Variants in ANO10 observed in about 807,000 individuals in gnomAD.
ANO10 encodes anoctamin-10.
A neutral mutation model predicts 74.7 loss-of-function variants in ANO10; 77 were observed. The observed-to-expected ratio is 1.03, with a 90% CI of 0.86 to 1.25. The LOEUF is 1.25. ANO10 is among the 50% of genes most tolerant of loss of function. The pLI is 0.00. For synonymous variants in ANO10, 279 were observed against 284.9 expected (o/e 0.98, Z 0.21); for missense variants, 721 against 778.1 (o/e 0.93, Z 0.87).
At chr3:43,618,450 T>C (rs1284611669) in intron 1 of ANO10, among the ~76,000 whole-genome samples, 1 of 152,232 alleles carries the variant, frequency 6.6e-6, no homozygotes, top group East Asian at 1.9e-4. Flanking sequence ...AAGAGTTTGC[T>C]TGTTTTGGCT....
chr3:43,541,342 T>C (rs1428216193), intron 11 of ANO10, among the ~76,000 whole-genome samples: 1 of 152,208 alleles, frequency 6.6e-6, no homozygotes, highest in Non-Finnish European at 1.5e-5. Context: ...ACATACTGCA[T>C]GCATTTATTC....
At chr3:43,385,759 G>C (rs555789574) in intron 12 of ANO10, among the ~76,000 whole-genome samples, 36 of 144,728 alleles carry the variant, frequency 2.5e-4, no homozygotes, top group African/African-American at 8.9e-4. Flanking sequence ...GGGAAAGGAT[G>C]GGGGGGAAGG....
intron 9 of ANO10, among the ~76,000 whole-genome samples, chr3:43,559,557 C>G (rs2079924036): frequency 6.6e-6 from 1 of 151,972 alleles, no homozygotes; most frequent in African/African-American, 2.4e-5. Flanking sequence ...AAGTTGCTGA[C>G]TTGGTGGAGC....
chr3:43,428,930 G>T (rs2148932483), intron 12 of ANO10, among the ~76,000 whole-genome samples: 1 of 151,538 alleles, frequency 6.6e-6, no homozygotes, highest in Admixed American at 6.6e-5. Flanking sequence ...AAACACTTCT[G>T]GTCCTAAGCA....
intron 11 of ANO10, among the ~76,000 whole-genome samples, chr3:43,526,232 T>C (rs1389070244): frequency 1.3e-5 from 2 of 152,240 alleles, no homozygotes; most frequent in African/African-American, 4.8e-5. Flanking sequence ...ATGTTAATTG[T>C]CCTGTGCAGC....
chr3:43,636,303 G>A (rs2083610377), intron 1 of ANO10: 1 of 152,252 alleles, frequency 6.6e-6, no homozygotes, highest in Admixed American at 6.5e-5. Context: ...GCCAAGGGAG[G>A]TTAATTTTTC....
chr3:43,402,010 C>T (rs1012472658), intron 12 of ANO10, among the ~76,000 whole-genome samples: 4 of 152,150 alleles, frequency 2.6e-5, no homozygotes, highest in African/African-American at 7.2e-5. Context: ...TAGGCACAGT[C>T]CGGCTTGGGC....
chr3:43,481,581 A>C (rs1575216153), intron 11 of ANO10, among the ~76,000 whole-genome samples: 2 of 152,156 alleles, frequency 1.3e-5, no homozygotes, highest in South Asian at 4.1e-4. Context: ...CATTAACATC[A>C]AAACAGAGAC....
At chr3:43,554,069 T>C (rs1003997778) in intron 10 of ANO10, among the ~76,000 whole-genome samples, 38 of 152,318 alleles carry the variant, frequency 2.5e-4, no homozygotes, top group African/African-American at 9.1e-4. Context: ...TATAAGGCTG[T>C]TTTAAAATCT....
intron 7 of ANO10, among the ~76,000 whole-genome samples, chr3:43,568,885 A>C (rs2080528892): frequency 1.3e-5 from 2 of 150,932 alleles, no homozygotes; most frequent in South Asian, 4.2e-4. Context: ...CAAAAAATGA[A>C]TGAATCCAGG....
intron 9 of ANO10, among the ~76,000 whole-genome samples, chr3:43,555,877 T>C (rs558721104): frequency 2.6e-5 from 4 of 152,304 alleles, no homozygotes; most frequent in African/African-American, 9.6e-5. Flanking sequence ...AACAATAGGG[T>C]ATTGGGAATG....
chr3:43,492,879 C>A (rs796503368), intron 11 of ANO10, among the ~76,000 whole-genome samples: 4 of 152,100 alleles, frequency 2.6e-5, no homozygotes, highest in African/African-American at 9.7e-5. Flanking sequence ...GACAGTGTGG[C>A]GATTCCTCAA....
chr3:43,575,195 C>T (rs2080938046), intron 6 of ANO10, among the ~76,000 whole-genome samples: 1 of 152,138 alleles, frequency 6.6e-6, no homozygotes, highest in Non-Finnish European at 1.5e-5. Flanking sequence ...TAATAGTAAC[C>T]TCTAGAGAAG....
intron 1 of ANO10, among the ~76,000 whole-genome samples, chr3:43,654,575 T>C (rs949726152): frequency 6.6e-6 from 1 of 152,240 alleles, no homozygotes; most frequent in Non-Finnish European, 1.5e-5. Flanking sequence ...TGAAATGCTA[T>C]TGATAGCCAA....
At chr3:43,658,785 A>G (rs890625655) in intron 1 of ANO10, among the ~76,000 whole-genome samples, 2 of 152,042 alleles carry the variant, frequency 1.3e-5, no homozygotes, top group Non-Finnish European at 2.9e-5. Flanking sequence ...GTTCTTTATG[A>G]ATCTTTATGT....
intron 12 of ANO10, among the ~76,000 whole-genome samples, chr3:43,414,216 A>G (rs2092705457): frequency 1.3e-5 from 2 of 152,210 alleles, no homozygotes; most frequent in South Asian, 4.1e-4. Context: ...AGTTCAAACA[A>G]TGGCTACTCT....
intron 11 of ANO10, among the ~76,000 whole-genome samples, chr3:43,467,127 C>G (rs1024635218): frequency 2.0e-5 from 3 of 152,208 alleles, no homozygotes; most frequent in African/African-American, 7.2e-5. Context: ...AACTGGAACT[C>G]TCAATCATTG....
intron 12 of ANO10, among the ~76,000 whole-genome samples, chr3:43,374,604 C>T (rs2091734551): frequency 6.6e-6 from 1 of 152,160 alleles, no homozygotes; most frequent in African/African-American, 2.4e-5. Context: ...GTCACCTGTG[C>T]TTTGAGATTC....
intron 12 of ANO10, among the ~76,000 whole-genome samples, chr3:43,387,694 G>A (rs1367875413): frequency 6.6e-6 from 1 of 152,192 alleles, no homozygotes; most frequent in African/African-American, 2.4e-5. Flanking sequence ...CAACAGAGGT[G>A]TCAACGGCTC....
Sources: gnomAD v4.1 joint callset for allele counts (sites outside exome capture counted in the v4.1 genomes callset) on GRCh38, gnomAD v4.1.1 for gene constraint, MANE v1.5 for transcripts, NCBI Gene and HGNC (gene_info 2026-07-23, HGNC 2026-07-21) for gene names.